The following CDIP1 variants were observed in gnomAD, a reference collection of about 807,000 sequenced individuals.
CDIP1 encodes cell death inducing p53 target 1, also known as cell death-inducing p53-target protein 1.
CDIP1 carries 9 observed loss-of-function variants against 17.7 expected under a neutral mutation model. The observed-to-expected ratio is 0.51, with a 90% CI of 0.31 to 0.89. The LOEUF (loss-of-function observed/expected upper bound fraction) is 0.89, where lower values mean the gene tolerates loss of function less well. Among genes scored for constraint, CDIP1 ranks in the 40% least tolerant of loss-of-function variants. The pLI is 0.05. For missense variants in CDIP1, 263 were observed against 277.9 expected (o/e 0.95, Z 0.38); for synonymous variants, 117 against 109.5 (o/e 1.07, Z -0.43).
chr16:4,523,512 CAAAG>C (rs2058971543), intron 1 of CDIP1, among the ~76,000 whole-genome samples: 1 of 151,410 alleles, frequency 6.6e-6, no homozygotes, highest in East Asian at 1.9e-4. Flanking sequence ...GACTCCATCT[CAAAG>C]AAAGAAAAAA....
intron 1 of CDIP1, among the ~76,000 whole-genome samples, chr16:4,518,684 T>C (rs1237917248): frequency 6.6e-6 from 1 of 152,212 alleles, no homozygotes; most frequent in Non-Finnish European, 1.5e-5. Context: ...ACACCCATTC[T>C]CCCAGTGCCT....
At chr16:4,525,388 G>C (rs560852982) in intron 1 of CDIP1, among the ~76,000 whole-genome samples, 10 of 152,284 alleles carry the variant, frequency 6.6e-5, no homozygotes, top group Non-Finnish European at 1.3e-4. Flanking sequence ...GCTCAAGGAG[G>C]AGCTGAGGAG....
intron 1 of CDIP1, among the ~76,000 whole-genome samples, chr16:4,526,098 G>C (rs1292256462): frequency 6.6e-6 from 1 of 152,112 alleles, no homozygotes; most frequent in Non-Finnish European, 1.5e-5. Flanking sequence ...ACCATGATGA[G>C]TCTCAGCGGA....
Position 4,513,597 on chromosome 16 carries a change from G to A in CDIP1, c.241+99C>T. ...GCTGGTTGGGCGTGTTGGAGTCCCT[G>A]CCCTACAGCAGATGCCCACCTGTAC... On this transcript the variant is annotated intron_variant, in intron 4 of 5. Coordinates refer to ENST00000567695, the MANE Select transcript of CDIP1 (RefSeq NM_013399.3). This position sits in a 1 kb window ranked among gnomAD's most constrained non-coding sequence, Gnocchi z 4.1. 1 of 1,061,604 alleles carries A rather than the reference G, an allele frequency of 9.4e-7. No homozygotes were observed. Among genetic ancestry groups the A allele is most frequent in the Admixed American group, 2.1e-5 (1 of 48,232 alleles). 65.8% of individuals were successfully genotyped at this position (1,061,604 alleles called of 1,614,324 possible).
At chr16:4,525,296 C>T (rs114553745) in intron 1 of CDIP1, among the ~76,000 whole-genome samples, 1 of 152,260 alleles carries the variant, frequency 6.6e-6, no homozygotes, top group African/African-American at 2.4e-5. Context: ...TTAAAACAGG[C>T]CCCGAGAGAA....
At chr16:4,532,741 G>A (rs1467491677) in intron 1 of CDIP1, 1 of 152,206 alleles carries the variant, frequency 6.6e-6, no homozygotes, top group Non-Finnish European at 1.5e-5. Context: ...CAATTTTACT[G>A]GGGCCACAGA....
At chr16:4,526,840 G>A (rs1366675071) in intron 1 of CDIP1, among the ~76,000 whole-genome samples, 1 of 152,166 alleles carries the variant, frequency 6.6e-6, no homozygotes, top group African/African-American at 2.4e-5. Flanking sequence ...CTGTGTCGCA[G>A]GCAGAGCTGC....
rs145183689 is a variant in CDIP1 at position 4,513,899 on chromosome 16, C to G, written c.86-48G>C. ...AGGAGACTGAGCTGGAGCCTCTGCA[C>G]GATGAGCTCGACCAGAGGCCACTGT... On this transcript the variant is annotated intron_variant, in intron 3 of 5. Transcript: ENST00000567695. The surrounding 1 kb of genome is among the most constrained non-coding windows in gnomAD (Gnocchi z 4.1). 1.3e-6 allele frequency: 2 copies of G among 1,504,244 alleles called. No homozygotes were observed. Among genetic ancestry groups the G allele is most frequent in the African/African-American group, 2.8e-5 (2 of 71,030 alleles). 93.2% of individuals were successfully genotyped at this position (1,504,244 alleles called of 1,614,324 possible). A position where few individuals can be genotyped will look rare whatever the true frequency, so the allele number is the denominator to read the frequency against.
At chr16:4,517,162 A>G (rs959087567) in intron 1 of CDIP1, among the ~76,000 whole-genome samples, 1 of 152,238 alleles carries the variant, frequency 6.6e-6, no homozygotes, top group African/African-American at 2.4e-5. Context: ...GTCAAAGGAC[A>G]TGAGCATTTT....
chr16:4,534,171 G>A (rs552750666), intron 1 of CDIP1, among the ~76,000 whole-genome samples: 14 of 151,826 alleles, frequency 9.2e-5, no homozygotes, highest in Middle Eastern at 3.4e-3. Context: ...GGCTGGTCTC[G>A]AACTCCTGAC....
Position 4,514,078 on chromosome 16 carries a change from A to G in CDIP1, c.53T>C (p.Leu18Pro), listed in dbSNP as rs368271407. The change falls in exon 3 of 6, where the codon CTG (leucine) becomes CCG (proline). Residue 18 changes from leucine to proline, a missense_variant. Physicochemically the swap from Leu to Pro is moderately conservative, Grantham distance 98. Transcript: ENST00000567695. The surrounding 1 kb of genome is among the most constrained non-coding windows in gnomAD (Gnocchi z 5.2). ...GGGCGGGGCTCCACTTTTCTCTTCC[A>G]GAAGTGGGGCTGTGGGGCCCCCAGG... ...PYPGGPTAPL[L>P]EEKSGAPPTP... The G allele has an allele frequency of 3.8e-5, 59 of 1,535,708 alleles. No homozygotes were observed. Among genetic ancestry groups the G allele is most frequent in the Non-Finnish European group, 4.9e-5 (57 of 1,151,784 alleles).
rs767516682 is a variant in CDIP1 at position 4,510,707 on chromosome 16, G to T, written c.*1865C>A. ...AATTCATTCTCTAAAAGAGAAACATGAACTTAAATAATTTTATTAATAGGA... is the reference window on the plus strand; with the variant it reads ...AATTCATTCTCTAAAAGAGAAACATTAACTTAAATAATTTTATTAATAGGA... On this transcript the variant is annotated 3_prime_UTR_variant, in exon 6 of 6. Coordinates refer to ENST00000567695, the MANE Select transcript of CDIP1 (RefSeq NM_013399.3). The T allele has an allele frequency of 1.3e-5, 2 of 152,034 alleles. No homozygotes were observed. Among genetic ancestry groups the T allele is most frequent in the Non-Finnish European group, 2.9e-5 (2 of 68,006 alleles). 9.4% of individuals were successfully genotyped at this position (152,034 alleles called of 1,614,324 possible).
chr16:4,530,630 CAG>C (rs1238517969), intron 1 of CDIP1, among the ~76,000 whole-genome samples: 1 of 141,668 alleles, frequency 7.1e-6, no homozygotes, highest in Non-Finnish European at 1.5e-5. Flanking sequence ...GCCTGGGCGA[CAG>C]AGTGAGACTC....
At position 4,537,018 on chromosome 16, in the gene CDIP1, A is replaced by T. The variant is rs146564821; in HGVS notation, c.-105+1684T>A. Among the ~76,000 whole-genome samples, 395 of 152,312 alleles carry T rather than the reference A, an allele frequency of 2.6e-3. 2 individuals carry two copies. The highest frequency in any genetic ancestry group is 8.9e-3 in the African/African-American group (369 of 41,582). On this transcript the variant is annotated intron_variant, in intron 1 of 5. Coordinates refer to ENST00000567695, the MANE Select transcript of CDIP1 (RefSeq NM_013399.3). ...TGTGGAAAACCTCCGAACTCCTTCA[A>T]ATTCTCAAGGGTGAGAGACGGATTT...
At chr16:4,516,548 C>G (rs915201775) in intron 1 of CDIP1, among the ~76,000 whole-genome samples, 1 of 152,058 alleles carries the variant, frequency 6.6e-6, no homozygotes, top group South Asian at 2.1e-4. Context: ...AGACGGGGGT[C>G]TCACTATGTT....
chr16:4,532,167 A>C (rs1054543103), intron 1 of CDIP1: 4 of 152,284 alleles, frequency 2.6e-5, no homozygotes, highest in African/African-American at 9.6e-5. Context: ...GAGCACATGA[A>C]GACCACGGTC....
At chr16:4,531,310 G>T (rs911964016) in intron 1 of CDIP1, among the ~76,000 whole-genome samples, 5 of 151,908 alleles carry the variant, frequency 3.3e-5, no homozygotes, top group African/African-American at 1.2e-4. Flanking sequence ...TTACAGGTGT[G>T]AGGCACTGTG....
chr16:4,537,810 C>A (rs709632), intron 1 of CDIP1, among the ~76,000 whole-genome samples: 6 of 152,064 alleles, frequency 3.9e-5, no homozygotes, highest in Non-Finnish European at 8.8e-5. Context: ...TCATCTAACA[C>A]CTGTTGAGAA....
chr16:4,528,731 A>G (rs4786517), intron 1 of CDIP1, among the ~76,000 whole-genome samples: 103,711 of 147,094 alleles, frequency 0.71, 36,902 homozygotes, highest in Non-Finnish European at 0.73. Flanking sequence ...GCTCACACCT[A>G]TAATCCCAGC....
Sources: allele counts gnomAD v4.1 joint callset (sites outside exome capture counted in the v4.1 genomes callset), GRCh38; gene constraint gnomAD v4.1.1; non-coding constraint Gnocchi (gnomAD v3.1); transcripts MANE v1.5; gene names NCBI Gene and HGNC (gene_info 2026-07-23, HGNC 2026-07-21).